The following SPMIP11 variants were observed in gnomAD, a reference collection of about 807,000 sequenced individuals.
SPMIP11 encodes the protein long intergenic non-protein coding RNA 935.
chr12:48,727,892 G>A, the SPMIP11 span, among the ~76,000 whole-genome samples: 1 of 151,936 alleles, frequency 6.6e-6, no homozygotes, highest in Non-Finnish European at 1.5e-5. Flanking sequence ...TCTATGAAAA[G>A]TTACACAAAT....
chr12:48,756,912 G>T, the SPMIP11 span, among the ~76,000 whole-genome samples: 1 of 151,916 alleles, frequency 6.6e-6, no homozygotes, highest in African/African-American at 2.4e-5. Flanking sequence ...TGGTAGCTGG[G>T]ATTACAGGCG....
chr12:48,731,359 C>T, the SPMIP11 span, among the ~76,000 whole-genome samples: 10 of 152,268 alleles, frequency 6.6e-5, no homozygotes, highest in East Asian at 1.5e-3. Context: ...GGTGTGGCAG[C>T]ATGTGCCTGT....
chr12:48,756,432 G>C, the SPMIP11 span, among the ~76,000 whole-genome samples: 8 of 152,252 alleles, frequency 5.3e-5, no homozygotes, highest in South Asian at 8.3e-4. Context: ...CACTCTGGTG[G>C]TACCATTATT....
chr12:48,732,395 C>T, the SPMIP11 span, among the ~76,000 whole-genome samples: 1 of 152,076 alleles, frequency 6.6e-6, no homozygotes, highest in East Asian at 1.9e-4. Context: ...CCTACAAATT[C>T]CTACCAACTA....
the SPMIP11 span, among the ~76,000 whole-genome samples, chr12:48,760,455 G>A: frequency 6.6e-6 from 1 of 152,140 alleles, no homozygotes; most frequent in Non-Finnish European, 1.5e-5. Flanking sequence ...TGGGATTACA[G>A]GTGTGAGCCA....
At chr12:48,728,787 T>G in the SPMIP11 span, among the ~76,000 whole-genome samples, 1 of 148,620 alleles carries the variant, frequency 6.7e-6, no homozygotes, top group East Asian at 2.0e-4. Flanking sequence ...CCATATTAAG[T>G]GAATTCCAAG....
chr12:48,750,266 T>C, the SPMIP11 span, among the ~76,000 whole-genome samples: 1 of 152,040 alleles, frequency 6.6e-6, no homozygotes, highest in East Asian at 1.9e-4. Flanking sequence ...GGAGAGAGGA[T>C]TACTTGAACC....
At chr12:48,737,329 T>A in the SPMIP11 span, among the ~76,000 whole-genome samples, 1 of 152,110 alleles carries the variant, frequency 6.6e-6, no homozygotes, top group South Asian at 2.1e-4. Context: ...AAGTCTTTTT[T>A]CATTCATTGT....
chr12:48,733,123 G>A, the SPMIP11 span, among the ~76,000 whole-genome samples: 536 of 136,306 alleles, frequency 3.9e-3, 10 homozygotes, highest in East Asian at 0.063. Context: ...CGCCCAGGCT[G>A]GAGTGCAGTG....
At chr12:48,766,807 C>A in the SPMIP11 span, 1 of 152,464 alleles carries the variant, frequency 6.6e-6, no homozygotes, top group Non-Finnish European at 1.5e-5. Flanking sequence ...CTAGTCATTT[C>A]CAAGACAAAG....
At chr12:48,763,108 A>C in the SPMIP11 span, among the ~76,000 whole-genome samples, 7 of 152,252 alleles carry the variant, frequency 4.6e-5, no homozygotes, top group African/African-American at 1.7e-4. Context: ...TTCAGAAATC[A>C]AAACAGGCAC....
chr12:48,746,560 T>C, the SPMIP11 span, among the ~76,000 whole-genome samples: 1 of 147,800 alleles, frequency 6.8e-6, no homozygotes, highest in African/African-American at 2.5e-5. Context: ...AGGGACGGGG[T>C]TTCACCATGT....
At chr12:48,769,818 G>A in the SPMIP11 span, among the ~76,000 whole-genome samples, 1 of 148,778 alleles carries the variant, frequency 6.7e-6, no homozygotes, top group African/African-American at 2.5e-5. Flanking sequence ...CTGGAGTGCA[G>A]TGGCACCATC....
At chr12:48,729,707 TAAAAAAAAAAA>T in the SPMIP11 span, among the ~76,000 whole-genome samples, 1 of 112,464 alleles carries the variant, frequency 8.9e-6, no homozygotes, top group East Asian at 2.6e-4. Context: ...AGACTCCGTC[TAAAAAAAAAAA>T]AAAAAAAAAG....
At chr12:48,759,458 G>A in the SPMIP11 span, 5 of 595,970 alleles carry the variant, frequency 8.4e-6, no homozygotes, top group African/African-American at 9.3e-5. Flanking sequence ...GGAGGCCGAG[G>A]CAGGCGGATC....
the SPMIP11 span, chr12:48,766,498 C>T: frequency 6.5e-6 from 1 of 152,684 alleles, no homozygotes; most frequent in Non-Finnish European, 1.5e-5. Flanking sequence ...TACCCTCACC[C>T]CTACCCCATG....
chr12:48,762,288 G>A, the SPMIP11 span, among the ~76,000 whole-genome samples: 2 of 140,952 alleles, frequency 1.4e-5, no homozygotes. Flanking sequence ...TCGATCTCCT[G>A]ACCTCATGAT....
At chr12:48,758,792 T>C in the SPMIP11 span, among the ~76,000 whole-genome samples, 1 of 152,228 alleles carries the variant, frequency 6.6e-6, no homozygotes, top group Non-Finnish European at 1.5e-5. Context: ...GATTCTACTG[T>C]AACCTACCTC....
chr12:48,749,486 G>A, the SPMIP11 span, among the ~76,000 whole-genome samples: 8 of 150,862 alleles, frequency 5.3e-5, no homozygotes, highest in African/African-American at 1.9e-4. Context: ...AAATTAGCCG[G>A]GCATGGTGGC....
Sources: allele counts gnomAD v4.1 joint callset (sites outside exome capture counted in the v4.1 genomes callset), GRCh38; gene constraint gnomAD v4.1.1; transcripts MANE v1.5; gene names NCBI Gene and HGNC (gene_info 2026-07-23, HGNC 2026-07-21).